The following RALYL variants were observed in gnomAD, a reference collection of about 807,000 sequenced individuals.
RALYL encodes the protein RALY RNA binding protein like, also known as RNA-binding Raly-like protein.
A neutral mutation model predicts 35.1 loss-of-function variants in RALYL; 29 were observed. The ratio of observed to expected loss-of-function variants is 0.83; its 90% CI spans 0.61 to 1.13. The LOEUF is 1.13. Ranked by LOEUF, RALYL falls within the 50% of genes most tolerant of loss-of-function variation. RALYL has a pLI of 0.00. For synonymous variants in RALYL, 120 were observed against 127.6 expected (o/e 0.94, Z 0.40); for missense variants, 359 against 360.4 (o/e 1.00, Z 0.03).
At chr8:84,668,530 C>T (rs1832541709) in intron 2 of RALYL, among the ~76,000 whole-genome samples, 1 of 152,014 alleles carries the variant, frequency 6.6e-6, no homozygotes, top group African/African-American at 2.4e-5. Context: ...GGTGGAAGTT[C>T]CAACATTATG....
intron 1 of RALYL, among the ~76,000 whole-genome samples, chr8:84,432,704 A>G (rs1035977310): frequency 2.6e-5 from 4 of 152,128 alleles, no homozygotes; most frequent in Admixed American, 6.6e-5. Context: ...CTGGAGTTTT[A>G]TAAGACAATG....
At chr8:84,285,144 G>C (rs1329551381) in intron 1 of RALYL, among the ~76,000 whole-genome samples, 1 of 152,094 alleles carries the variant, frequency 6.6e-6, no homozygotes, top group Non-Finnish European at 1.5e-5. Flanking sequence ...TGAGATTATG[G>C]ATGCTGCGCT....
At chr8:84,503,945 A>G (rs576561041) in intron 1 of RALYL, among the ~76,000 whole-genome samples, 2 of 152,120 alleles carry the variant, frequency 1.3e-5, no homozygotes, top group Non-Finnish European at 2.9e-5. Context: ...ATCAAATATT[A>G]GAAAAAATAT....
chr8:84,731,533 T>A (rs1321983560), intron 2 of RALYL, among the ~76,000 whole-genome samples: 1 of 152,138 alleles, frequency 6.6e-6, no homozygotes, highest in Non-Finnish European at 1.5e-5. Context: ...TGATTTTATC[T>A]CTTAAATTGT....
At position 84,658,347 on chromosome 8, in the gene RALYL, G is replaced by T. The variant is rs566197757; in HGVS notation, c.257-116232G>T. ...TTACACTTCCTGGCCTCTCAGAATG[G>T]CTACGCTGCAGGCTGCAACCTTTAT... On this transcript the variant is annotated intron_variant, in intron 2 of 8. Transcript: ENST00000521268. Among the ~76,000 whole-genome samples the T allele has an allele frequency of 7.9e-5, 12 of 152,278 alleles. No homozygotes were observed. The South Asian group carries it at 2.5e-3, about 32-fold the overall frequency.
intron 1 of RALYL, among the ~76,000 whole-genome samples, chr8:84,343,487 G>A (rs1332802293): frequency 6.6e-6 from 1 of 152,044 alleles, no homozygotes; most frequent in Non-Finnish European, 1.5e-5. Flanking sequence ...ATATTTTACA[G>A]TTGAAATACT....
chr8:84,783,081 CT>C (rs66518454), intron 3 of RALYL, among the ~76,000 whole-genome samples: 6 of 76,272 alleles, frequency 7.9e-5, no homozygotes, highest in Non-Finnish European at 1.5e-4. Context: ...CAATCTATCC[CT>C]GTATTCAAGA....
At chr8:84,270,399 A>G (rs1834070020) in intron 1 of RALYL, among the ~76,000 whole-genome samples, 2 of 152,206 alleles carry the variant, frequency 1.3e-5, no homozygotes, top group South Asian at 4.1e-4. Context: ...ACAGAGTTTA[A>G]GATGCATTTG....
intron 2 of RALYL, among the ~76,000 whole-genome samples, chr8:84,717,939 T>A (rs994013381): frequency 1.3e-5 from 2 of 152,152 alleles, no homozygotes; most frequent in African/African-American, 4.8e-5. Context: ...CATATTTATG[T>A]GGTAATAAAA....
At chr8:84,813,776 C>CTT (rs970090050) in intron 4 of RALYL, among the ~76,000 whole-genome samples, 1 of 151,892 alleles carries the variant, frequency 6.6e-6, no homozygotes, top group African/African-American at 2.4e-5. Flanking sequence ...TTTTTTAATA[C>CTT]TTTAAGTTCT....
intron 2 of RALYL, among the ~76,000 whole-genome samples, chr8:84,730,872 T>A (rs1177475372): frequency 1.3e-5 from 2 of 151,816 alleles, no homozygotes; most frequent in African/African-American, 4.8e-5. Context: ...GGAATGAGAA[T>A]GTAAAGAAAA....
intron 2 of RALYL, among the ~76,000 whole-genome samples, chr8:84,614,295 T>C (rs1465484447): frequency 6.6e-6 from 1 of 151,332 alleles, no homozygotes; most frequent in African/African-American, 2.4e-5. Context: ...AAGAACAAAC[T>C]AAAAGTTCTC....
chr8:84,185,045 C>G, intron 1 of RALYL: 1 of 1,612,308 alleles, frequency 6.2e-7, no homozygotes, highest in Non-Finnish European at 8.5e-7. Flanking sequence ...TTTGCTTTAC[C>G]AAAGGGCTTT....
At chr8:84,256,842 G>T (rs73299828) in intron 1 of RALYL, among the ~76,000 whole-genome samples, 1,917 of 152,148 alleles carry the variant, frequency 0.013, 56 homozygotes, top group African/African-American at 0.043. Context: ...ACAGGTGAAT[G>T]CAAGCATAAG....
At chr8:84,615,419 T>C (rs915076972) in intron 2 of RALYL, among the ~76,000 whole-genome samples, 2 of 151,356 alleles carry the variant, frequency 1.3e-5, no homozygotes, top group Admixed American at 6.6e-5. Context: ...TATGTATTTA[T>C]ATACCATCTT....
Position 84,681,694 on chromosome 8 carries a change from C to T in RALYL, c.257-92885C>T, listed in dbSNP as rs182615878. Among the ~76,000 whole-genome samples the T allele has an allele frequency of 1.7e-3, 254 of 152,250 alleles. 1 individual carries two copies. Among genetic ancestry groups the T allele is most frequent in the Admixed American group, 2.6e-3 (40 of 15,282 alleles). On this transcript the variant is annotated intron_variant, in intron 2 of 8. Transcript: ENST00000521268. ...TGATTTTTGCACATTGATTTTGTAT[C>T]CTAACTGTTTGCCGCAGTTGCTTAT...
intron 1 of RALYL, among the ~76,000 whole-genome samples, chr8:84,224,813 A>G (rs981599602): frequency 6.6e-6 from 1 of 151,598 alleles, no homozygotes; most frequent in Non-Finnish European, 1.5e-5. Context: ...TGTGCCACCA[A>G]CCCCAGCTAA....
At chr8:84,206,880 T>A (rs766560) in intron 1 of RALYL, among the ~76,000 whole-genome samples, 26 of 151,962 alleles carry the variant, frequency 1.7e-4, no homozygotes, top group African/African-American at 5.6e-4. Flanking sequence ...TAGACATTTC[T>A]CAAAAGAAGA....
intron 2 of RALYL, among the ~76,000 whole-genome samples, chr8:84,566,637 T>C (rs1212333736): frequency 6.6e-6 from 1 of 151,632 alleles, no homozygotes; most frequent in Non-Finnish European, 1.5e-5. Flanking sequence ...TTTTAGATGG[T>C]TGAAGACCTT....
Sources: allele counts gnomAD v4.1 joint callset (sites outside exome capture counted in the v4.1 genomes callset), GRCh38; gene constraint gnomAD v4.1.1; transcripts MANE v1.5; gene names NCBI Gene and HGNC (gene_info 2026-07-23, HGNC 2026-07-21).